Variants in RBBP7 observed in about 807,000 individuals in gnomAD.
The protein encoded by RBBP7 is histone-binding protein RBBP7.
Under a neutral mutation model 35.2 loss-of-function variants are expected in RBBP7, and 5 were observed. The ratio of observed to expected loss-of-function variants is 0.14; its 90% CI spans 0.07 to 0.30. RBBP7 has a LOEUF of 0.30. RBBP7 is among the 10% of genes least tolerant of loss of function. The pLI, the probability that RBBP7 is intolerant of heterozygous loss-of-function variation, is 1.00. For synonymous variants in RBBP7, 140 were observed against 118.7 expected (o/e 1.18, Z -1.17); for missense variants, 155 against 327.5 (o/e 0.47, Z 4.07).
intron 9 of RBBP7, 75 bp from the exon 10 acceptor site, chrX:16,849,376 C>A: frequency 3.4e-6 from 3 of 890,348 alleles, no homozygotes; most frequent in Non-Finnish European, 4.8e-6. Flanking sequence ...CCAGTATCAG[C>A]CCAGAAAGTA....
In RBBP7 at chrX:16,852,881, A is replaced by G; in HGVS notation, c.759-6T>C. ...TATTGGACCTGGTGTCCCATCTAAA[A>G]CACAAAGGTAAAGGCACACGGCACC... On this transcript the variant is annotated splice_region_variant and splice_polypyrimidine_tract_variant and intron_variant, in intron 6 of 11. Transcript: ENST00000380087. The G allele has an allele frequency of 8.3e-7, 1 of 1,211,131 alleles. No homozygotes were observed. Among genetic ancestry groups the G allele is most frequent in the Non-Finnish European group, 1.1e-6 (1 of 895,397 alleles).
At chrX:16,854,806 C>T (rs1930305931) in intron 5 of RBBP7, among the ~76,000 whole-genome samples, 1 of 108,925 alleles carries the variant, frequency 9.2e-6, no homozygotes, top group Non-Finnish European at 1.9e-5. Context: ...CAGCAGCCCA[C>T]AAATAAGGAG....
At chrX:16,855,464 T>C (rs1391065614) in intron 5 of RBBP7, among the ~76,000 whole-genome samples, 1 of 112,076 alleles carries the variant, frequency 8.9e-6, no homozygotes, top group Non-Finnish European at 1.9e-5. Flanking sequence ...TACTTACACA[T>C]GAAGACACTC....
rs1227910808 is a variant in RBBP7 at position 16,870,091 on chromosome X, A to C, written c.-38T>G. ...CGTTCGCCCCTCGCCGCCGCCTCGG[A>C]CTCCTCTCGTTAGCCAAGAGCAGCC... On this transcript the variant is annotated 5_prime_UTR_variant, in exon 1 of 12. Transcript: ENST00000380087. 9.3e-7 allele frequency: 1 copy of C among 1,073,190 alleles called. No homozygotes were observed. Among genetic ancestry groups the C allele is most frequent in the South Asian group, 2.3e-5 (1 of 43,565 alleles). 88.4% of individuals were successfully genotyped at this position (1,073,190 alleles called of 1,213,427 possible). A position where few individuals can be genotyped will look rare whatever the true frequency, so the allele number is the denominator to read the frequency against.
At chrX:16,862,202 T>C (rs113625304) in intron 3 of RBBP7, among the ~76,000 whole-genome samples, 1 of 112,348 alleles carries the variant, frequency 8.9e-6, no homozygotes, top group African/African-American at 3.2e-5. Context: ...GTACATCTTT[T>C]TCCTGCTGCT....
At chrX:16,864,823 C>G (rs1930570158) in intron 2 of RBBP7, among the ~76,000 whole-genome samples, 1 of 109,949 alleles carries the variant, frequency 9.1e-6, no homozygotes. Context: ...TGTGTGCCAC[C>G]ATATCTGGCT....
At chrX:16,855,138 C>T (rs1029624313) in intron 5 of RBBP7, among the ~76,000 whole-genome samples, 13 of 109,532 alleles carry the variant, frequency 1.2e-4, no homozygotes, top group Non-Finnish European at 3.8e-5. Context: ...CAACCTCCGC[C>T]TCCCGGGTTC....
In RBBP7 at chrX:16,852,617, T is replaced by A; in HGVS notation, c.897A>T (p.Leu299Phe). Reference protein sequence around the residue: ...ATGSADKTVALWDLRNLKLKL... With the variant: ...ATGSADKTVAFWDLRNLKLKL... ...TTAATTTTAAGTTACGCAGATCCCA[T>A]AAAGCTACGGTCTAAAGAAAAATAA... Residue 299 changes from leucine (L) to phenylalanine (F), a missense_variant, in exon 8 of 12, where the codon TTA (leucine) becomes TTT (phenylalanine). By Grantham distance (22) the Leu-to-Phe change is conservative (BLOSUM62 0). Around this residue, in one of 3 missense-constraint regions of RBBP7, gnomAD observed 79 missense variants for 220.8 expected, o/e 0.36. Coordinates refer to ENST00000380087, the MANE Select transcript of RBBP7 (RefSeq NM_002893.4). 1.7e-6 allele frequency: 2 copies of A among 1,211,041 alleles called. No homozygotes were observed. Among genetic ancestry groups the A allele is most frequent in the Non-Finnish European group, 2.2e-6 (2 of 895,196 alleles).
At chrX:16,852,705 GA>G (rs1424289798) in intron 7 of RBBP7, 43 bp downstream of exon 7, 1 of 1,211,531 alleles carries the variant, frequency 8.3e-7, no homozygotes, top group East Asian at 3.0e-5. Flanking sequence ...AGGCACAAGA[GA>G]ACTGGGTTTT....
In RBBP7 at chrX:16,852,439, C is replaced by G. The variant is rs768195417; in HGVS notation, c.963+112G>C. On this transcript the variant is annotated intron_variant, in intron 8 of 11. Transcript: ENST00000380087. ...ACCCTATGAGCATCTCCATGTAACA[C>G]CACGTACAAGACATTTTTTTCAATA... 42 of 821,737 alleles carry G rather than the reference C, an allele frequency of 5.1e-5. No individual in the cohort carries two copies. In the African/African-American group the frequency reaches 7.7e-4, roughly 15 times the overall value. 67.7% of individuals were successfully genotyped at this position (821,737 alleles called of 1,213,427 possible). A position where few individuals can be genotyped will look rare whatever the true frequency, so the allele number is the denominator to read the frequency against.
intron 3 of RBBP7, among the ~76,000 whole-genome samples, chrX:16,860,049 C>T (rs1410760714): frequency 1.8e-5 from 2 of 110,334 alleles, no homozygotes; most frequent in African/African-American, 3.3e-5. Flanking sequence ...CCTTTTTCCT[C>T]GTAGCACCTT....
intron 4 of RBBP7, 89 bp downstream of exon 4, chrX:16,858,587 T>C: frequency 1.8e-6 from 2 of 1,118,717 alleles, no homozygotes; most frequent in Non-Finnish European, 1.2e-6. Flanking sequence ...CTTTAAATAT[T>C]ATAAAGTATG....
rs768492384 is a variant in RBBP7, at chrX:16,860,240, C to T, written c.308-1391G>A. Among the ~76,000 whole-genome samples the T allele has an allele frequency of 1.1e-4, 9 of 81,724 alleles. No individual in the cohort carries two copies. In the East Asian group the frequency reaches 3.0e-3, roughly 28 times the overall value. 71.0% of individuals were successfully genotyped at this position (81,724 alleles called of 115,157 possible). A position where few individuals can be genotyped will look rare whatever the true frequency, so the allele number is the denominator to read the frequency against. Reference sequence around the variant, plus strand: ...CAAAGATACTCAAGTTTCCTGATTCCTTTAGCTAAAACAACCTGAAGAGCT... The same window carrying T: ...CAAAGATACTCAAGTTTCCTGATTCTTTTAGCTAAAACAACCTGAAGAGCT... On this transcript the variant is annotated intron_variant, in intron 3 of 11. Transcript: ENST00000380087.
chrX:16,866,098 G>A (rs1047849931), intron 2 of RBBP7, among the ~76,000 whole-genome samples: 6 of 111,817 alleles, frequency 5.4e-5, no homozygotes, highest in Admixed American at 1.9e-4. Context: ...TTCACTCTAT[G>A]TCCTTTTATA....
At chrX:16,854,985 GTTTTTT>G (rs150641871) in intron 5 of RBBP7, among the ~76,000 whole-genome samples, 2 of 93,914 alleles carry the variant, frequency 2.1e-5, no homozygotes, top group East Asian at 3.4e-4. Flanking sequence ...ACTGGTATGG[GTTTTTT>G]TTTTTTTTTT....
intron 2 of RBBP7, among the ~76,000 whole-genome samples, chrX:16,863,593 A>G: frequency 8.9e-6 from 1 of 112,524 alleles, no homozygotes; most frequent in Non-Finnish European, 1.9e-5. Context: ...AAAAAAACTT[A>G]GCTTAAATCC....
At chrX:16,864,042 T>C (rs1930536315) in intron 2 of RBBP7, among the ~76,000 whole-genome samples, 1 of 108,915 alleles carries the variant, frequency 9.2e-6, no homozygotes, top group African/African-American at 3.4e-5. Flanking sequence ...TTTTTTTTTC[T>C]AAAAAGATTG....
At chrX:16,847,903 T>C (rs1450547152) in intron 10 of RBBP7, 1 of 111,114 alleles carries the variant, frequency 9.0e-6, no homozygotes, top group Non-Finnish European at 1.9e-5. Flanking sequence ...GATTTCAAGC[T>C]CTCTTGTAAA....
chrX:16,864,701 C>T (rs888208221), intron 2 of RBBP7, among the ~76,000 whole-genome samples: 3 of 109,164 alleles, frequency 2.7e-5, no homozygotes, highest in East Asian at 2.9e-4. Flanking sequence ...CCACCCCCGA[C>T]CTTTTCTTTT....
Sources: allele counts gnomAD v4.1 joint callset (sites outside exome capture counted in the v4.1 genomes callset), GRCh38; gene constraint gnomAD v4.1.1; regional missense constraint gnomAD v4.1.1; transcripts MANE v1.5; gene names NCBI Gene and HGNC (gene_info 2026-07-23, HGNC 2026-07-21).